Variants in SLC25A13 observed in about 807,000 individuals in gnomAD.
The protein encoded by SLC25A13 is solute carrier family 25 member 13.
Under a neutral mutation model 85.5 loss-of-function variants are expected in SLC25A13, and 70 were observed. The ratio of observed to expected loss-of-function variants is 0.82; its 90% CI spans 0.68 to 1.00. The LOEUF (loss-of-function observed/expected upper bound fraction) is 1.00. Among genes scored for constraint, SLC25A13 ranks in the 50% least tolerant of loss-of-function variants. SLC25A13 has a pLI of 0.00. For synonymous variants in SLC25A13, 259 were observed against 288.7 expected, an observed-to-expected ratio of 0.90 and a Z score of 1.04; for missense variants, 765 against 819.8, an observed-to-expected ratio of 0.93 and a Z score of 0.82.
intron 12 of SLC25A13, among the ~76,000 whole-genome samples, chr7:96,170,503 C>G (rs1793950972): frequency 1.3e-5 from 2 of 152,132 alleles, no homozygotes; most frequent in Admixed American, 1.3e-4. Flanking sequence ...TTCAAGTCTT[C>G]TAACAAGAAT....
intron 7 of SLC25A13, 70 bp from the exon 8 acceptor site, chr7:96,189,744 G>A: frequency 2.4e-6 from 3 of 1,250,502 alleles, no homozygotes; most frequent in Non-Finnish European, 2.4e-6. Context: ...ATTAACTCAA[G>A]GCACTGGAAT....
intron 13 of SLC25A13, among the ~76,000 whole-genome samples, chr7:96,162,266 T>A (rs910559178): frequency 2.6e-5 from 4 of 151,966 alleles, no homozygotes; most frequent in Non-Finnish European, 5.9e-5. Context: ...TTCTTCCTGG[T>A]TTGATATGAG....
intron 3 of SLC25A13, among the ~76,000 whole-genome samples, chr7:96,256,868 T>C (rs999350894): frequency 2.0e-5 from 3 of 152,214 alleles, no homozygotes; most frequent in African/African-American, 7.2e-5. Flanking sequence ...AAACAGTCTC[T>C]CAGACCACAG....
chr7:96,227,034 C>G (rs1264840376), intron 4 of SLC25A13, among the ~76,000 whole-genome samples: 2 of 152,060 alleles, frequency 1.3e-5, no homozygotes, highest in East Asian at 3.8e-4. Context: ...TAAAATATAT[C>G]TATTGAAATA....
In SLC25A13 at chr7:96,321,951, C is replaced by G; in HGVS notation, c.6G>C (p.Ala2=). Reference sequence around the variant, plus strand: ...TCGGGCCCGCGGTTACCTTGGCGGCCGCCATGATTCGCCCCGGTTGCGGGC... The same window carrying G: ...TCGGGCCCGCGGTTACCTTGGCGGCGGCCATGATTCGCCCCGGTTGCGGGC... M[A]AAKVALTKRA... The change falls in exon 1 of 18, where the codon GCG becomes GCC. Residue 2 remains alanine, a synonymous_variant. Transcript: ENST00000265631. 1 of 1,540,288 alleles carries G rather than the reference C, an allele frequency of 6.5e-7. No individual in the cohort carries two copies. Among genetic ancestry groups the G allele is most frequent in the Non-Finnish European group, 8.7e-7 (1 of 1,145,408 alleles).
intron 2 of SLC25A13, among the ~76,000 whole-genome samples, chr7:96,290,493 G>C (rs1487089891): frequency 6.6e-6 from 1 of 151,216 alleles, no homozygotes. Context: ...ATTGGATAAA[G>C]AGTCAAGACC....
chr7:96,139,140 C>T (rs953898270), intron 14 of SLC25A13, among the ~76,000 whole-genome samples: 12 of 152,194 alleles, frequency 7.9e-5, no homozygotes, highest in Non-Finnish European at 7.3e-5. Context: ...ATCCACACAA[C>T]GATACTATGA....
At chr7:96,239,191 C>A (rs1796869388) in intron 3 of SLC25A13, among the ~76,000 whole-genome samples, 2 of 149,092 alleles carry the variant, frequency 1.3e-5, no homozygotes, top group African/African-American at 4.9e-5. Context: ...TTTGGTAATC[C>A]TGTTAGATAT....
intron 2 of SLC25A13, chr7:96,283,385 G>C: frequency 2.8e-6 from 1 of 359,432 alleles, no homozygotes; most frequent in South Asian, 2.6e-5. Flanking sequence ...AAGAGGAGAG[G>C]CACTCAATAT....
In SLC25A13 at chr7:96,170,094, T is replaced by G. The variant is rs140440047; in HGVS notation, c.1262A>C (p.His421Pro). The G allele has an allele frequency of 1.2e-6, 2 of 1,614,108 alleles. No homozygotes were observed. The highest frequency in any genetic ancestry group is 1.7e-6 in the Non-Finnish European group (2 of 1,180,038). Residue 421 changes from histidine (H) to proline (P), a missense_variant, in exon 13 of 18, where the codon CAC (histidine) becomes CCC (proline). By Grantham distance (77) the His-to-Pro change is moderately conservative. Coordinates refer to ENST00000265631, the MANE Select transcript of SLC25A13 (RefSeq NM_014251.3). ...TGCAAGTGGGACCGAACCATCTTTG[T>G]GCATAAATTTATCCCTCACAAAATC... ...VNDFVRDKFM[H>P]KDGSVPLAAE...
In SLC25A13 at chr7:96,168,705, A is replaced by G. The variant is rs145433170; in HGVS notation, c.1311+1340T>C. On this transcript the variant is annotated intron_variant, in intron 13 of 17. Transcript: ENST00000265631. ...CATTTTAATTCTTACAGAAATCTAT[A>G]ATCATATCTTTTCAGAAAGTTTAAA... Among the ~76,000 whole-genome samples, 980 of 152,266 alleles carry G rather than the reference A, an allele frequency of 6.4e-3. 35 individuals are homozygous for G. The highest frequency in any genetic ancestry group is 0.058 in the Admixed American group (883 of 15,294).
At position 96,120,444 on chromosome 7, in the gene SLC25A13, CAGTA is replaced by C. The variant is rs2116376597; in HGVS notation, c.*743_*746del. The C allele has an allele frequency of 2.2e-6, 1 of 454,340 alleles. No homozygotes were observed. The highest frequency in any genetic ancestry group is 2.3e-5 in the Admixed American group (1 of 42,562). The allele number at this position is 454,340 out of a possible 1,614,324, so 28.1% of individuals were successfully genotyped here. The stretch of plus-strand genomic sequence containing the variant: ...TTTCAAGAGTGTTTATTAAAATAGG[CAGTA>C]ATCAGTACATGTACATCATATGAGC... On this transcript the variant is annotated 3_prime_UTR_variant, in exon 18 of 18. Transcript: ENST00000265631.
intron 9 of SLC25A13, among the ~76,000 whole-genome samples, chr7:96,186,993 C>CT (rs914648116): frequency 1.3e-5 from 2 of 152,048 alleles, no homozygotes; most frequent in Admixed American, 1.3e-4. Context: ...TACTTTTTCT[C>CT]TTTTTTTGTC....
intron 13 of SLC25A13, among the ~76,000 whole-genome samples, chr7:96,152,219 A>G (rs958637328): frequency 1.3e-5 from 2 of 152,180 alleles, no homozygotes; most frequent in Admixed American, 1.3e-4. Context: ...TGCCTAGAAC[A>G]GGCTGCATTC....
chr7:96,246,026 C>T (rs1392258228), intron 3 of SLC25A13, among the ~76,000 whole-genome samples: 3 of 152,190 alleles, frequency 2.0e-5, no homozygotes, highest in Non-Finnish European at 4.4e-5. Context: ...AATTTGTCAG[C>T]GTATACTGGC....
At position 96,252,592 on chromosome 7, in the gene SLC25A13, A is replaced by T. The variant is rs1349221592; in HGVS notation, c.213-17675T>A. Among the ~76,000 whole-genome samples the T allele has an allele frequency of 4.6e-5, 7 of 152,314 alleles. No individual in the cohort carries two copies. In the East Asian group the frequency reaches 1.2e-3, roughly 25 times the overall value. ...GATCACCCAAAAAGTAGTTAGGAAA[A>T]ACTAGAGATGTGAGAACCAGTGAGG... On this transcript the variant is annotated intron_variant, in intron 3 of 17. Transcript: ENST00000265631.
At chr7:96,266,105 C>A (rs150750877) in intron 3 of SLC25A13, among the ~76,000 whole-genome samples, 1 of 152,220 alleles carries the variant, frequency 6.6e-6, no homozygotes, top group African/African-American at 2.4e-5. Flanking sequence ...GCTGTTAAGA[C>A]ACCAGAAGTT....
intron 5 of SLC25A13, 145 bp from the exon 6 acceptor site, chr7:96,193,328 G>T: frequency 3.2e-6 from 3 of 950,256 alleles, no homozygotes; most frequent in Non-Finnish European, 4.7e-6. Flanking sequence ...GCACCACCAA[G>T]CTACTGTCTC....
At chr7:96,243,754 A>G (rs537609990) in intron 3 of SLC25A13, among the ~76,000 whole-genome samples, 1 of 152,286 alleles carries the variant, frequency 6.6e-6, no homozygotes, top group South Asian at 2.1e-4. Context: ...CATCAGTGCC[A>G]GCGCCCAAAG....
Sources: gnomAD v4.1 joint callset for allele counts (sites outside exome capture counted in the v4.1 genomes callset) on GRCh38, gnomAD v4.1.1 for gene constraint, MANE v1.5 for transcripts, NCBI Gene and HGNC (gene_info 2026-07-23, HGNC 2026-07-21) for gene names.